NHS: variants seen among roughly 807,000 people sequenced by gnomAD.
NHS encodes NHS actin remodeling regulator, also known as actin remodeling regulator NHS.
NHS carries 5 observed loss-of-function variants against 72.5 expected under a neutral mutation model. That is an observed-to-expected ratio of 0.07 (90% confidence interval 0.04 to 0.14). The LOEUF (loss-of-function observed/expected upper bound fraction) is 0.14. Ranked by LOEUF, NHS falls within the 10% of genes least tolerant of loss-of-function variation. NHS has a pLI of 1.00. For synonymous variants in NHS, 464 were observed against 547.7 expected (o/e 0.85, Z 2.13); for missense variants, 1,072 against 1,355.7 (o/e 0.79, Z 3.29).
intron 1 of NHS, among the ~76,000 whole-genome samples, chrX:17,444,352 A>T (rs1033719938): frequency 2.7e-5 from 3 of 111,853 alleles, no homozygotes; most frequent in African/African-American, 9.8e-5. Context: ...CCCTAGACCA[A>T]CTGAAACAGA....
At chrX:17,452,532 G>A (rs1432237766) in intron 1 of NHS, among the ~76,000 whole-genome samples, 1 of 104,589 alleles carries the variant, frequency 9.6e-6, no homozygotes, top group African/African-American at 3.5e-5. Context: ...GTTTTTCCCT[G>A]TAATTACCCT....
chrX:17,565,677 C>T (rs1048996950), intron 1 of NHS, among the ~76,000 whole-genome samples: 9 of 111,426 alleles, frequency 8.1e-5, no homozygotes, highest in African/African-American at 1.3e-4. Context: ...TTGGAGGCTA[C>T]GAGAGAGGGC....
At chrX:17,720,513 CTTT>C (rs778394141) in intron 4 of NHS, among the ~76,000 whole-genome samples, 18 of 112,491 alleles carry the variant, frequency 1.6e-4, no homozygotes, top group African/African-American at 5.8e-4. Flanking sequence ...AAAACTGAGT[CTTT>C]TAATCATCTA....
chrX:17,375,673 C>G lies in NHS; in HGVS notation c.-85C>G, dbSNP rs998575232. 2.9e-6 allele frequency: 3 copies of G among 1,042,501 alleles called. No individual in the cohort carries two copies. The highest frequency in any genetic ancestry group is 2.6e-5 in the Admixed American group (1 of 38,006). 85.9% of individuals were successfully genotyped at this position (1,042,501 alleles called of 1,213,427 possible). A position where few individuals can be genotyped will look rare whatever the true frequency, so the allele number is the denominator to read the frequency against. ...TCGCGCTTTTGCCGGACTCCTGCCC[C>G]CTCCCTGCTCAGGTGGGCGCGCCCG... On this transcript the variant is annotated 5_prime_UTR_variant, in exon 1 of 9. Coordinates refer to ENST00000676302, the MANE Select transcript of NHS (RefSeq NM_001291867.2).
intron 3 of NHS, among the ~76,000 whole-genome samples, chrX:17,696,667 G>T (rs1295795281): frequency 8.9e-6 from 1 of 111,778 alleles, no homozygotes; most frequent in East Asian, 2.8e-4. Context: ...CCTGTTTGAG[G>T]CAATTGAATA....
chrX:17,489,588 C>T (rs751631590), intron 1 of NHS, among the ~76,000 whole-genome samples: 11 of 112,001 alleles, frequency 9.8e-5, no homozygotes, highest in Admixed American at 2.8e-4. Context: ...CCTGGGTTCA[C>T]GCCATTCTCC....
chrX:17,525,288 A>G (rs942424133), intron 1 of NHS, among the ~76,000 whole-genome samples: 2 of 112,124 alleles, frequency 1.8e-5, no homozygotes, highest in Non-Finnish European at 3.8e-5. Context: ...CCTGATCATG[A>G]TGATAGCAAT....
At chrX:17,533,067 C>A in intron 1 of NHS, among the ~76,000 whole-genome samples, 2 of 111,798 alleles carry the variant, frequency 1.8e-5, no homozygotes, top group Non-Finnish European at 1.9e-5. Context: ...TAATGAACAA[C>A]AACCATCACC....
intron 1 of NHS, chrX:17,557,309 A>G (rs1487087495): frequency 9.9e-6 from 1 of 101,145 alleles, no homozygotes; most frequent in Non-Finnish European, 1.9e-5. Context: ...GAGAATATTT[A>G]GTGACAGAGA....
At chrX:17,650,651 TG>T (rs1213058004) in intron 1 of NHS, among the ~76,000 whole-genome samples, 2 of 112,101 alleles carry the variant, frequency 1.8e-5, no homozygotes, top group Admixed American at 9.4e-5. Flanking sequence ...TGGATTTTCT[TG>T]GTAAATTGTC....
rs972111414 is a variant in NHS at position 17,375,521 on chromosome X, C to A, written c.-237C>A. 8 of 412,839 alleles carry A rather than the reference C, an allele frequency of 1.9e-5. No homozygotes were observed. The East Asian group carries it at 3.3e-4, about 17-fold the overall frequency. 34.0% of individuals were successfully genotyped at this position (412,839 alleles called of 1,213,427 possible). A position where few individuals can be genotyped will look rare whatever the true frequency, so the allele number is the denominator to read the frequency against. Reference sequence around the variant, plus strand: ...CGCACCCCTAAATTTCTGTGCGGAGCGCTTGTCATCCTCCCCAGGGAACGG... The same window carrying A: ...CGCACCCCTAAATTTCTGTGCGGAGAGCTTGTCATCCTCCCCAGGGAACGG... On this transcript the variant is annotated 5_prime_UTR_variant, in exon 1 of 9. Transcript: ENST00000676302.
At chrX:17,649,561 C>T (rs911070251) in intron 1 of NHS, among the ~76,000 whole-genome samples, 1 of 110,824 alleles carries the variant, frequency 9.0e-6, no homozygotes, top group Non-Finnish European at 1.9e-5. Context: ...CAAGACAGCA[C>T]AGAATGATAA....
chrX:17,721,599 G>C lies in NHS; in HGVS notation c.1074G>C (p.Val358=), dbSNP rs2066406785. 1 of 1,209,499 alleles carries C rather than the reference G, an allele frequency of 8.3e-7. No homozygotes were observed. The highest frequency in any genetic ancestry group is 2.2e-5 in the Admixed American group (1 of 45,674). ...AGAAGATGAAACAAGATGCCCAAGT[G>C]ATTTCTTCTTGCATTATTCCCATCA... ...PEEKMKQDAQ[V]ISSCIIPINV... is the part of the protein sequence containing the mutation. Residue 358 remains valine, a synonymous_variant, in exon 5 of 9, where the codon GTG becomes GTC. Transcript: ENST00000676302.
At chrX:17,393,290 A>C (rs1401475765) in intron 1 of NHS, among the ~76,000 whole-genome samples, 1 of 112,232 alleles carries the variant, frequency 8.9e-6, no homozygotes, top group Non-Finnish European at 1.9e-5. Flanking sequence ...TTTCTGATCT[A>C]CACCAAGCAA....
At position 17,732,151 on chromosome X, in the gene NHS, C is replaced by G. The variant is rs1374728573; in HGVS notation, c.4643C>G (p.Pro1548Arg). Residue 1548 changes from proline (P) to arginine (R), a missense_variant, in exon 9 of 9, where the codon CCT (proline) becomes CGT (arginine). Transcript: ENST00000676302. ...EILKSPILPK[P>R]PGELTAESPQ... ...CTGAAGAGCCCCATACTGCCCAAAC[C>G]TCCTGGGGAGCTCACAGCAGAGTCC... 2.5e-6 allele frequency: 3 copies of G among 1,212,115 alleles called. No individual in the cohort carries two copies. The highest frequency in any genetic ancestry group is 3.3e-6 in the Non-Finnish European group (3 of 895,562).
At chrX:17,528,030 T>C (rs2065181331) in intron 1 of NHS, among the ~76,000 whole-genome samples, 1 of 111,769 alleles carries the variant, frequency 8.9e-6, no homozygotes, top group Admixed American at 9.5e-5. Flanking sequence ...CCCAAATTAA[T>C]TGGTGTCTGG....
chrX:17,623,731 A>G (rs2065785723), intron 1 of NHS, among the ~76,000 whole-genome samples: 1 of 112,116 alleles, frequency 8.9e-6, no homozygotes, highest in Non-Finnish European at 1.9e-5. Context: ...GTGAGGCCAC[A>G]TTCATGTCCC....
chrX:17,698,485 C>A (rs751496928), intron 3 of NHS, among the ~76,000 whole-genome samples: 1 of 111,649 alleles, frequency 9.0e-6, no homozygotes, highest in South Asian at 3.7e-4. Context: ...AAACATCAGG[C>A]CTAGATGGTT....
intron 7 of NHS, 90 bp downstream of exon 7, chrX:17,728,418 C>A: frequency 2.1e-6 from 2 of 933,839 alleles, no homozygotes; most frequent in African/African-American, 1.9e-5. Context: ...ACGGTACAGC[C>A]CTGGGTGTTG....
Sources: gnomAD v4.1 joint callset for allele counts (sites outside exome capture counted in the v4.1 genomes callset) on GRCh38, gnomAD v4.1.1 for gene constraint, MANE v1.5 for transcripts, NCBI Gene and HGNC (gene_info 2026-07-23, HGNC 2026-07-21) for gene names.